WDR36: variants seen among roughly 807,000 people sequenced by gnomAD.
WDR36 encodes WD repeat-containing protein 36.
Under a neutral mutation model 112.7 loss-of-function variants are expected in WDR36, and 63 were observed. The ratio of observed to expected loss-of-function variants is 0.56; its 90% CI spans 0.46 to 0.69. The LOEUF is 0.69. Among genes scored for constraint, WDR36 ranks in the 30% least tolerant of loss-of-function variants. The pLI, the probability that WDR36 is intolerant of heterozygous loss-of-function variation, is 0.00. For synonymous variants in WDR36, 410 were observed against 362.2 expected (o/e 1.13, Z -1.50); for missense variants, 1,226 against 1,070.3 (o/e 1.15, Z -2.03).
chr5:111,106,482 A>G (rs1451853236), intron 11 of WDR36, among the ~76,000 whole-genome samples: 5 of 151,476 alleles, frequency 3.3e-5, no homozygotes, highest in South Asian at 4.1e-4. Context: ...AGCTCTGACT[A>G]ATTAAGATCT....
chr5:111,099,451 G>GTTTTTTTTTGTTTTTTT (rs1753068624), intron 4 of WDR36, among the ~76,000 whole-genome samples: 1 of 55,640 alleles, frequency 1.8e-5, no homozygotes, highest in African/African-American at 5.8e-5. Context: ...GTTTTTTTTT[G>GTTTTTTTTTGTTTTTTT]TTTTTTTTTT....
At chr5:111,118,551 T>C (rs1432973461) in intron 16 of WDR36, among the ~76,000 whole-genome samples, 1 of 152,224 alleles carries the variant, frequency 6.6e-6, no homozygotes, top group Non-Finnish European at 1.5e-5. Context: ...AAAGCTTTTT[T>C]TAAATTACTA....
At position 111,097,189 on chromosome 5, in the gene WDR36, G is replaced by A. The variant is rs766393535; in HGVS notation, c.291+10G>A. 1.4e-5 allele frequency: 22 copies of A among 1,592,222 alleles called. No homozygotes were observed. The highest frequency in any genetic ancestry group is 1.2e-4 in the Admixed American group (7 of 59,966). ...TGCCCGTAATAAAGAGGTTGGTATC[G>A]CTAAACTACTTGTTTGTCAGTCAGT... is the stretch of plus-strand genomic sequence containing the variant. On this transcript the variant is annotated intron_variant, in intron 3 of 22. Coordinates refer to ENST00000513710, the MANE Select transcript of WDR36 (RefSeq NM_139281.3).
chr5:111,128,636 T>C lies in WDR36; in HGVS notation c.*1753T>C, dbSNP rs1237989537. 1.1e-5 allele frequency: 2 copies of C among 181,670 alleles called. No individual in the cohort carries two copies. Among genetic ancestry groups the C allele is most frequent in the African/African-American group, 2.4e-5 (1 of 42,510 alleles). The allele number at this position is 181,670 out of a possible 1,614,324, so 11.3% of individuals were successfully genotyped here. On this transcript the variant is annotated 3_prime_UTR_variant, in exon 23 of 23. Transcript: ENST00000513710. ...AGAAATCATGAACCGAATTTTCTTC[T>C]CTTTTTAAAGTGAGCATAAAGACTT...
At chr5:111,120,826 T>C (rs767747360) in intron 18 of WDR36, among the ~76,000 whole-genome samples, 170 bp from the exon 19 acceptor site, 9 of 152,152 alleles carry the variant, frequency 5.9e-5, no homozygotes, top group Non-Finnish European at 1.0e-4. Context: ...ATGGGAGTTT[T>C]AGTTAATATG....
intron 8 of WDR36, 127 bp from the exon 9 acceptor site, chr5:111,104,570 T>G: frequency 3.4e-6 from 5 of 1,467,790 alleles, no homozygotes; most frequent in Non-Finnish European, 4.8e-6. Context: ...CTCCCTCCCT[T>G]GTAGCTCCAG....
chr5:111,125,087 T>C (rs1467246543), intron 21 of WDR36, among the ~76,000 whole-genome samples: 1 of 152,214 alleles, frequency 6.6e-6, no homozygotes, highest in Non-Finnish European at 1.5e-5. Flanking sequence ...AGGTTTGGGC[T>C]GGGTAAGAAT....
chr5:111,121,530 A>C (rs981940097), intron 19 of WDR36, among the ~76,000 whole-genome samples: 2 of 152,128 alleles, frequency 1.3e-5, no homozygotes, highest in Admixed American at 1.3e-4. Flanking sequence ...ATTCCACTAG[A>C]CTTTCATTTT....
chr5:111,103,898 C>G lies in WDR36; in HGVS notation c.710C>G (p.Thr237Ser), dbSNP rs1473265372. 3 of 1,611,020 alleles carry G rather than the reference C, an allele frequency of 1.9e-6. No individual in the cohort carries two copies. The highest frequency in any genetic ancestry group is 2.2e-5 in the East Asian group (1 of 44,806). ...MKFRQDWGPI[T>S]SISFRTDGHP... ...TTTCGTCAAGACTGGGGACCCATTA[C>G]TTCAATTTCATTTCGCACAGGTAAC... Residue 237 changes from threonine (T) to serine (S), a missense_variant, in exon 7 of 23, where the codon ACT becomes AGT. By Grantham distance (58) the Thr-to-Ser change is moderately conservative. Transcript: ENST00000513710.
At position 111,128,012 on chromosome 5, in the gene WDR36, C is replaced by A. The variant is rs183583946; in HGVS notation, c.*1129C>A. The A allele has an allele frequency of 1.9e-3, 377 of 201,426 alleles. 1 individual carries two copies. Among genetic ancestry groups the A allele is most frequent in the African/African-American group, 7.9e-3 (345 of 43,596 alleles). The allele number at this position is 201,426 out of a possible 1,614,324, so 12.5% of individuals were successfully genotyped here. On this transcript the variant is annotated 3_prime_UTR_variant, in exon 23 of 23. Transcript: ENST00000513710. ...GCTGAGTATACTTTTCTTTCACAAC[C>A]ATTGCAAACCCAGGTAGCCCTGGAG... is the stretch of plus-strand genomic sequence containing the variant.
At position 111,104,764 on chromosome 5, in the gene WDR36, C is replaced by A. The variant is rs149218427; in HGVS notation, c.974C>A (p.Pro325His). Residue 325 changes from proline (P) to histidine (H), a missense_variant, in exon 9 of 23, where the codon CCT (proline) becomes CAT (histidine). Physicochemically the swap from Pro to His is moderately conservative, Grantham distance 77. Coordinates refer to ENST00000513710, the MANE Select transcript of WDR36 (RefSeq NM_139281.3). ...AGATTCAGAATGGGTCATAGTGCTCCTCTTACCAATATCAGATATTATGGA... is the reference window on the plus strand; with the variant it reads ...AGATTCAGAATGGGTCATAGTGCTCATCTTACCAATATCAGATATTATGGA... ...LLRFRMGHSA[P>H]LTNIRYYGQN... The A allele has an allele frequency of 3.7e-6, 6 of 1,611,388 alleles. No individual in the cohort carries two copies. Among genetic ancestry groups the A allele is most frequent in the Non-Finnish European group, 5.1e-6 (6 of 1,177,970 alleles).
chr5:111,110,351 A>C, intron 13 of WDR36, 48 bp downstream of exon 13: 1 of 1,427,770 alleles, frequency 7.0e-7, no homozygotes, highest in East Asian at 2.3e-5. Flanking sequence ...TAGATACAAA[A>C]CTAGTAGTGA....
intron 6 of WDR36, among the ~76,000 whole-genome samples, chr5:111,103,481 A>G (rs996897422): frequency 9.2e-5 from 14 of 151,696 alleles, no homozygotes; most frequent in African/African-American, 3.1e-4. Context: ...GATTTTATAC[A>G]TAGCTTTCTT....
rs779933424 is a variant in WDR36 at position 111,121,054 on chromosome 5, G to A, written c.2061G>A (p.Ser687=). 14 of 1,613,490 alleles carry A rather than the reference G, an allele frequency of 8.7e-6. No individual in the cohort carries two copies. In the East Asian group the frequency reaches 1.1e-4, roughly 13 times the overall value. ...GTGATGAATTGATAGAATATGATTCGCCAGAACAGTTGAATGAGCAATTGG... is the reference window on the plus strand; with the variant it reads ...GTGATGAATTGATAGAATATGATTCACCAGAACAGTTGAATGAGCAATTGG... ...EPSDELIEYD[S]PEQLNEQLVT... is the part of the protein sequence containing the mutation. Residue 687 remains serine, a synonymous_variant, in exon 19 of 23, where the codon TCG becomes TCA. Coordinates refer to ENST00000513710, the MANE Select transcript of WDR36 (RefSeq NM_139281.3).
chr5:111,125,129 A>G (rs1477157251), intron 21 of WDR36, among the ~76,000 whole-genome samples: 1 of 152,212 alleles, frequency 6.6e-6, no homozygotes, highest in Non-Finnish European at 1.5e-5. Context: ...CTGATTTTAT[A>G]TATTCTGTAC....
chr5:111,095,953 C>T (rs1272389909), intron 2 of WDR36, among the ~76,000 whole-genome samples: 1 of 152,060 alleles, frequency 6.6e-6, no homozygotes, highest in African/African-American at 2.4e-5. Flanking sequence ...AGAAGACCTA[C>T]AAGGACTGTA....
intron 16 of WDR36, among the ~76,000 whole-genome samples, chr5:111,114,575 C>T (rs1753418306): frequency 1.3e-5 from 2 of 152,114 alleles, no homozygotes; most frequent in Non-Finnish European, 2.9e-5. Flanking sequence ...TAATCAGGGA[C>T]CTTTGTCCAC....
chr5:111,124,266 A>T (rs550165664), intron 21 of WDR36, 77 bp downstream of exon 21: 3 of 1,222,460 alleles, frequency 2.5e-6, no homozygotes, highest in Admixed American at 3.8e-5. Context: ...TGAAGGAAAT[A>T]TCAGCGTTCT....
At position 111,125,616 on chromosome 5, in the gene WDR36, G is replaced by C; in HGVS notation, c.2359G>C (p.Ala787Pro). The change falls in exon 22 of 23, where the codon GCT becomes CCT. Residue 787 changes from alanine (A) to proline (P), a missense_variant. Physicochemically the swap from Ala to Pro is conservative, Grantham distance 27 (BLOSUM62 -1). Transcript: ENST00000513710. Reference protein sequence around the residue: ...EGLVNNKYDTALNLLKESGPS... With the variant: ...EGLVNNKYDTPLNLLKESGPS... ...ATTAAAATTTAATGCAGATGACACT[G>C]CTCTCAACCTTCTGAAAGAATCAGG... 1 of 1,613,312 alleles carries C rather than the reference G, an allele frequency of 6.2e-7. No individual in the cohort carries two copies. The highest frequency in any genetic ancestry group is 1.1e-5 in the South Asian group (1 of 91,024).
Sources: allele counts gnomAD v4.1 joint callset (sites outside exome capture counted in the v4.1 genomes callset), GRCh38; gene constraint gnomAD v4.1.1; transcripts MANE v1.5; gene names NCBI Gene and HGNC (gene_info 2026-07-23, HGNC 2026-07-21).